The following SNAP25 variants were observed in gnomAD, a reference collection of about 807,000 sequenced individuals.
SNAP25 encodes the protein synaptosome associated protein 25.
SNAP25 carries 3 observed loss-of-function variants against 28.7 expected under a neutral mutation model. That is an observed-to-expected ratio of 0.10 (90% confidence interval 0.05 to 0.27). The LOEUF (loss-of-function observed/expected upper bound fraction) is 0.27, where lower values mean the gene tolerates loss of function less well. Among genes scored for constraint, SNAP25 ranks in the 10% least tolerant of loss-of-function variants. The pLI, the probability that SNAP25 is intolerant of heterozygous loss-of-function variation, is 1.00. For missense variants in SNAP25, 117 were observed against 278.7 expected (o/e 0.42, Z 4.13); for synonymous variants, 61 against 88.1 (o/e 0.69, Z 1.72).
chr20:10,297,172 T>G lies in SNAP25; in HGVS notation c.407+122T>G, dbSNP rs1452608894. The G allele has an allele frequency of 4.0e-6, 5 of 1,251,856 alleles. No individual in the cohort carries two copies. The African/African-American group carries it at 6.2e-5, about 16-fold the overall frequency. 77.5% of individuals were successfully genotyped at this position (1,251,856 alleles called of 1,614,324 possible). A position where few individuals can be genotyped will look rare whatever the true frequency, so the allele number is the denominator to read the frequency against. ...CTCATTAATCTACATACCTGCTAAG[T>G]GTTCTTTTCTAAGCCTTTCCTGGAC... is the stretch of plus-strand genomic sequence containing the variant. On this transcript the variant is annotated intron_variant, in intron 6 of 7. Coordinates refer to ENST00000254976, the MANE Select transcript of SNAP25 (RefSeq NM_130811.4).
intron 1 of SNAP25, among the ~76,000 whole-genome samples, chr20:10,263,832 A>G (rs1488287722): frequency 6.6e-6 from 1 of 152,102 alleles, no homozygotes; most frequent in Non-Finnish European, 1.5e-5. Flanking sequence ...TAACAGTAGC[A>G]CTCTGTAAAT....
intron 3 of SNAP25, among the ~76,000 whole-genome samples, chr20:10,281,149 A>G (rs953500660): frequency 8.5e-5 from 13 of 152,210 alleles, no homozygotes; most frequent in African/African-American, 3.1e-4. Flanking sequence ...AATCCTTTGT[A>G]TCTTCAACTC....
chr20:10,303,288 A>T (rs2064283107), intron 7 of SNAP25, among the ~76,000 whole-genome samples: 1 of 152,176 alleles, frequency 6.6e-6, no homozygotes, highest in African/African-American at 2.4e-5. Flanking sequence ...GAGGTCAAAA[A>T]TGTGAGTCTG....
chr20:10,270,634 G>A (rs138987264), intron 1 of SNAP25, among the ~76,000 whole-genome samples: 2,552 of 152,168 alleles, frequency 0.017, 72 homozygotes, highest in African/African-American at 0.057. Flanking sequence ...AGGAGGCAGA[G>A]GTTGCAGTGA....
chr20:10,241,818 G>T (rs554160388), intron 1 of SNAP25, among the ~76,000 whole-genome samples: 1 of 152,264 alleles, frequency 6.6e-6, no homozygotes, highest in South Asian at 2.1e-4. Flanking sequence ...GTTAGCCAGG[G>T]CCTGCCAGCC....
chr20:10,236,727 G>A (rs959862601), intron 1 of SNAP25, among the ~76,000 whole-genome samples: 3 of 152,044 alleles, frequency 2.0e-5, no homozygotes, highest in Admixed American at 1.3e-4. Flanking sequence ...TGGAAGCCTC[G>A]CAGCAGGTCC....
rs1233690981 is a variant in SNAP25, at chr20:10,306,202, G to A, written c.*5G>A. ...AAGATGCTGGGAAGTGGTTAAGTGT[G>A]CCCACCCGTGTTCTCCTCCAAATGC... is the stretch of plus-strand genomic sequence containing the variant. On this transcript the variant is annotated 3_prime_UTR_variant, in exon 8 of 8. Transcript: ENST00000254976. The A allele has an allele frequency of 6.2e-7, 1 of 1,613,178 alleles. No homozygotes were observed.
intron 5 of SNAP25, chr20:10,296,174 T>C (rs1250025673): frequency 6.6e-6 from 1 of 152,230 alleles, no homozygotes; most frequent in African/African-American, 2.4e-5. Flanking sequence ...TTTCCCTTTT[T>C]GGTGCTAGAT....
At chr20:10,266,970 A>G (rs2063517806) in intron 1 of SNAP25, among the ~76,000 whole-genome samples, 1 of 152,192 alleles carries the variant, frequency 6.6e-6, no homozygotes, top group Non-Finnish European at 1.5e-5. Context: ...CTTTTCAGAC[A>G]CAAATTAAAT....
intron 1 of SNAP25, among the ~76,000 whole-genome samples, chr20:10,233,491 A>G (rs1289167729): frequency 1.3e-5 from 2 of 152,192 alleles, no homozygotes; most frequent in African/African-American, 2.4e-5. Flanking sequence ...CTCTGCATTT[A>G]CTAACCAAAA....
intron 7 of SNAP25, among the ~76,000 whole-genome samples, chr20:10,299,842 G>A (rs543196847): frequency 8.5e-5 from 13 of 152,278 alleles, no homozygotes; most frequent in African/African-American, 2.6e-4. Context: ...GGCAAAGTTC[G>A]GGAAAATCTC....
intron 1 of SNAP25, among the ~76,000 whole-genome samples, chr20:10,248,370 C>A (rs1264297195): frequency 6.6e-6 from 1 of 152,090 alleles, no homozygotes; most frequent in South Asian, 2.1e-4. Flanking sequence ...AAAAGTAATT[C>A]GTGTTAATTG....
At chr20:10,280,449 G>A (rs556385562) in intron 3 of SNAP25, among the ~76,000 whole-genome samples, 32 of 152,288 alleles carry the variant, frequency 2.1e-4, no homozygotes, top group African/African-American at 3.1e-4. Context: ...GCCTAACTCC[G>A]GGATAGGAAG....
intron 3 of SNAP25, among the ~76,000 whole-genome samples, chr20:10,279,651 G>A (rs1211848983): frequency 6.6e-6 from 1 of 152,082 alleles, no homozygotes; most frequent in Non-Finnish European, 1.5e-5. Context: ...TTATTCTGGG[G>A]GAAAATCTCT....
chr20:10,252,184 A>G (rs1187084532), intron 1 of SNAP25, among the ~76,000 whole-genome samples: 1 of 152,238 alleles, frequency 6.6e-6, no homozygotes, highest in Non-Finnish European at 1.5e-5. Context: ...GCACATGAAT[A>G]TCACATGAAT....
intron 4 of SNAP25, among the ~76,000 whole-genome samples, chr20:10,286,876 T>A (rs993212477): frequency 1.3e-5 from 2 of 152,132 alleles, no homozygotes; most frequent in Non-Finnish European, 2.9e-5. Flanking sequence ...GCAATGGAAG[T>A]CTTAAGAACT....
rs780044962 is a variant in SNAP25 at position 10,263,739 on chromosome 20, C to T, written c.-63-11690C>T. Among the ~76,000 whole-genome samples the T allele has an allele frequency of 7.9e-5, 12 of 152,156 alleles. No individual in the cohort carries two copies. In the South Asian group the frequency reaches 1.5e-3, roughly 18 times the overall value. ...AGGATGGGGAAGGAAGAGACCCAAA[C>T]GCAAAGGTTTCTTGCGAGAGCTCCT... On this transcript the variant is annotated intron_variant, in intron 1 of 7. Coordinates refer to ENST00000254976, the MANE Select transcript of SNAP25 (RefSeq NM_130811.4).
At chr20:10,306,016 C>A in intron 7 of SNAP25, 113 bp from the exon 8 acceptor site, 1 of 866,856 alleles carries the variant, frequency 1.2e-6, no homozygotes, top group South Asian at 1.5e-5. Flanking sequence ...CCCATGCTGA[C>A]CAAGGAGGTT....
At chr20:10,263,185 A>AT (rs926333346) in intron 1 of SNAP25, among the ~76,000 whole-genome samples, 8 of 151,560 alleles carry the variant, frequency 5.3e-5, no homozygotes, top group Non-Finnish European at 1.0e-4. Flanking sequence ...TGCCCGGCTA[A>AT]TTTTTTTGTA....
Sources: gnomAD v4.1 joint callset for allele counts (sites outside exome capture counted in the v4.1 genomes callset) on GRCh38, gnomAD v4.1.1 for gene constraint, MANE v1.5 for transcripts, NCBI Gene and HGNC (gene_info 2026-07-23, HGNC 2026-07-21) for gene names.